PCDHA1: variants seen among roughly 807,000 people sequenced by gnomAD.
PCDHA1 encodes protocadherin alpha 1, also known as protocadherin alpha-1.
A neutral mutation model predicts 61.3 loss-of-function variants in PCDHA1; 42 were observed. That is an observed-to-expected ratio of 0.69 (90% confidence interval 0.54 to 0.89). The LOEUF (loss-of-function observed/expected upper bound fraction) is 0.89, where lower values mean the gene tolerates loss of function less well. Among genes scored for constraint, PCDHA1 ranks in the 40% least tolerant of loss-of-function variants. PCDHA1 has a pLI of 0.00. For missense variants in PCDHA1, 1,256 were observed against 1,235.3 expected (o/e 1.02, Z -0.25); for synonymous variants, 610 against 553.8 (o/e 1.10, Z -1.43).
At chr5:140,973,628 T>G (rs1005772685) in intron 1 of PCDHA1, among the ~76,000 whole-genome samples, 13 of 152,250 alleles carry the variant, frequency 8.5e-5, no homozygotes, top group Admixed American at 2.6e-4. Context: ...TTCTGTATCT[T>G]GTACACATTC....
chr5:140,882,286 A>G lies in PCDHA1; in HGVS notation c.2394+93602A>G, dbSNP rs13357748. The G allele has an allele frequency of 8.5e-4, 1,378 of 1,613,102 alleles. 12 individuals are homozygous for G. In the African/African-American group the frequency reaches 0.015, roughly 17 times the overall value. Reference sequence around the variant, plus strand: ...AGTGTACCATGCTGTCTTCCTGGCAAGGAGGCCCAAGACCGCGGCAACTAC... The same window carrying G: ...AGTGTACCATGCTGTCTTCCTGGCAGGGAGGCCCAAGACCGCGGCAACTAC... On this transcript the variant is annotated intron_variant, in intron 1 of 3. Transcript: ENST00000504120.
chr5:140,793,835 A>T (rs1209059271), intron 1 of PCDHA1, among the ~76,000 whole-genome samples: 2 of 152,248 alleles, frequency 1.3e-5, no homozygotes, highest in Non-Finnish European at 2.9e-5. Context: ...GGAATATTCT[A>T]AAGTAATAGT....
chr5:140,805,249 A>G, intron 1 of PCDHA1: 1 of 1,313,262 alleles, frequency 7.6e-7, no homozygotes, highest in Non-Finnish European at 9.7e-7. Flanking sequence ...TCTGTACATT[A>G]AAATACCTGG....
chr5:140,845,835 C>T (rs917105315), intron 1 of PCDHA1, among the ~76,000 whole-genome samples: 3 of 149,588 alleles, frequency 2.0e-5, no homozygotes, highest in Non-Finnish European at 4.5e-5. Flanking sequence ...TATTACCATT[C>T]TTAAGAGAAA....
chr5:140,929,166 C>A (rs782695019), intron 1 of PCDHA1: 1 of 1,614,146 alleles, frequency 6.2e-7, no homozygotes, highest in Admixed American at 1.7e-5. Context: ...TCTATCGGGC[C>A]TCTCTGGGAC....
intron 1 of PCDHA1, chr5:140,876,180 T>G (rs782772220): frequency 1.2e-6 from 2 of 1,613,982 alleles, no homozygotes; most frequent in East Asian, 4.5e-5. Flanking sequence ...TGGATGTGAA[T>G]GACAATGGTC....
In PCDHA1 at chr5:140,870,746, T is replaced by C. The variant is rs781831995; in HGVS notation, c.2394+82062T>C. 5.0e-6 allele frequency: 8 copies of C among 1,613,488 alleles called. No individual in the cohort carries two copies. The East Asian group carries it at 1.8e-4, about 36-fold the overall frequency. ...GGCGTGCCGCCTCTGAGCAGCAACG[T>C]GACGCTGCAGGTGTTCGTGCTGGAC... On this transcript the variant is annotated intron_variant, in intron 1 of 3. Transcript: ENST00000504120.
intron 1 of PCDHA1, chr5:140,966,944 A>C: frequency 6.2e-7 from 1 of 1,603,894 alleles, no homozygotes; most frequent in Non-Finnish European, 8.5e-7. Context: ...GCTCGTGGGC[A>C]ACGTGGCTCG....
At chr5:140,870,154 G>A (rs1243170344) in intron 1 of PCDHA1, 2 of 1,614,130 alleles carry the variant, frequency 1.2e-6, no homozygotes, top group Non-Finnish European at 8.5e-7. Context: ...TGAAGTCGCC[G>A]TGACTTCCTT....
intron 1 of PCDHA1, chr5:140,869,288 G>T (rs950790626): frequency 6.2e-7 from 1 of 1,613,578 alleles, no homozygotes; most frequent in East Asian, 2.2e-5. Context: ...CTGGTGCAGC[G>T]CCTGTTCCGG....
At chr5:140,906,643 G>A (rs1049197869) in intron 1 of PCDHA1, among the ~76,000 whole-genome samples, 14 of 152,222 alleles carry the variant, frequency 9.2e-5, no homozygotes, top group South Asian at 4.1e-4. Context: ...TCAGCAGGTA[G>A]TGGTTTTTTC....
chr5:140,945,813 C>T (rs10477097), intron 1 of PCDHA1, among the ~76,000 whole-genome samples: 2 of 152,084 alleles, frequency 1.3e-5, no homozygotes, highest in East Asian at 3.8e-4. Flanking sequence ...TTATCTCACA[C>T]TGTATACAAA....
At chr5:140,870,252 GGTGACCT>G in intron 1 of PCDHA1, 5 of 1,614,198 alleles carry the variant, frequency 3.1e-6, no homozygotes, top group Non-Finnish European at 4.2e-6. Context: ...TCAACGGACA[GGTGACCT>G]GCTCGCTGAC....
At chr5:140,850,157 C>T (rs2150470014) in intron 1 of PCDHA1, 2 of 1,594,994 alleles carry the variant, frequency 1.3e-6, no homozygotes, top group African/African-American at 1.3e-5. Flanking sequence ...TGCAGGTGTT[C>T]GTGCTGGACG....
chr5:140,797,127 G>A (rs782162758), intron 1 of PCDHA1: 2 of 1,614,012 alleles, frequency 1.2e-6, no homozygotes, highest in South Asian at 2.2e-5. Context: ...ACACTGCGCT[G>A]CGGTGCTCGG....
At chr5:140,803,111 C>T in intron 1 of PCDHA1, 1 of 1,613,808 alleles carries the variant, frequency 6.2e-7, no homozygotes, top group Non-Finnish European at 8.5e-7. Flanking sequence ...GTGCCCTGGA[C>T]GAGGTGGACG....
intron 1 of PCDHA1, among the ~76,000 whole-genome samples, chr5:140,799,662 A>G (rs1365144428): frequency 6.6e-6 from 1 of 152,134 alleles, no homozygotes; most frequent in Non-Finnish European, 1.5e-5. Context: ...CATGAAAACA[A>G]CAATTGATAA....
chr5:140,859,473 G>T (rs1486992699), intron 1 of PCDHA1: 1 of 209,794 alleles, frequency 4.8e-6, no homozygotes, highest in Non-Finnish European at 9.3e-6. Context: ...ACTATCAATT[G>T]TGTTTTCCTG....
intron 3 of PCDHA1, among the ~76,000 whole-genome samples, chr5:141,008,546 A>G (rs2098381708): frequency 6.6e-6 from 1 of 150,382 alleles, no homozygotes; most frequent in Non-Finnish European, 1.5e-5. Flanking sequence ...TTTATTGAAA[A>G]CTCCTGTGGA....
Sources: gnomAD v4.1 joint callset for allele counts (sites outside exome capture counted in the v4.1 genomes callset) on GRCh38, gnomAD v4.1.1 for gene constraint, MANE v1.5 for transcripts, NCBI Gene and HGNC (gene_info 2026-07-23, HGNC 2026-07-21) for gene names.